The following CCL5 variants were observed in gnomAD, a reference collection of about 807,000 sequenced individuals.
CCL5 encodes the protein C-C motif chemokine 5.
A neutral mutation model predicts 9.0 loss-of-function variants in CCL5; 5 were observed. The ratio of observed to expected loss-of-function variants is 0.55; its 90% CI spans 0.29 to 1.16. The LOEUF (loss-of-function observed/expected upper bound fraction) is 1.16, where lower values mean the gene tolerates loss of function less well. CCL5 is among the 50% of genes most tolerant of loss of function. The pLI is 0.08. For missense variants in CCL5, 183 were observed against 183.2 expected (o/e 1.00, Z 0.01); for synonymous variants, 66 against 72.0 (o/e 0.92, Z 0.42).
intron 2 of CCL5, among the ~76,000 whole-genome samples, chr17:35,876,386 C>A (rs2088441457): frequency 6.6e-6 from 1 of 152,212 alleles, no homozygotes; most frequent in Non-Finnish European, 1.5e-5. Flanking sequence ...GGTTATCTTG[C>A]TGGCACCTTA....
Position 35,876,935 on chromosome 17 carries a change from G to GT in CCL5, c.189-1294dup, listed in dbSNP as rs138597635. 4.0e-3 allele frequency among the ~76,000 whole-genome samples: 596 copies of GT among 150,740 alleles called. 5 individuals carry two copies. Among genetic ancestry groups the GT allele is most frequent in the African/African-American group, 0.013 (544 of 41,074 alleles). On this transcript the variant is annotated intron_variant, in intron 2 of 3. Transcript: ENST00000651122. ...GTTTCCTCTCTCTTTCCCTTGTCAT[G>GT]TTTTTTTTTGCTGTGTACTCTAGTC...
chr17:35,873,642 A>G (rs2088405886), intron 3 of CCL5, among the ~76,000 whole-genome samples: 1 of 152,236 alleles, frequency 6.6e-6, no homozygotes, highest in South Asian at 2.1e-4. Flanking sequence ...ATTTTGTGCA[A>G]ATCACTTAAA....
intron 3 of CCL5, chr17:35,875,430 A>G (rs2088429881): frequency 4.9e-6 from 1 of 205,394 alleles, no homozygotes; most frequent in Admixed American, 6.5e-5. Flanking sequence ...ACTCAGAGCC[A>G]CTTGACCATC....
At position 35,872,409 on chromosome 17, in the gene CCL5, G is replaced by A. The variant is rs779249457; in HGVS notation, c.326C>T (p.Ser109Leu). 24 of 1,613,718 alleles carry A rather than the reference G, an allele frequency of 1.5e-5. No individual in the cohort carries two copies. Among genetic ancestry groups the A allele is most frequent in the Middle Eastern group, 3.3e-4 (2 of 6,080 alleles). ...ATCTCCAAAGAGTTGATGTACTCCC[G>A]AACCCATTTCTTCTCTGGGTTGGCA... The change falls in exon 4 of 4, where the codon TCG (serine) becomes TTG (leucine). Residue 109 changes from serine to leucine, a missense_variant. Physicochemically the swap from Ser to Leu is moderately radical, Grantham distance 145 (BLOSUM62 -2). Coordinates refer to ENST00000651122, the MANE Select transcript of CCL5 (RefSeq NM_001278736.2).
chr17:35,878,233 A>C (rs1210185769), intron 2 of CCL5, among the ~76,000 whole-genome samples: 1 of 136,316 alleles, frequency 7.3e-6, no homozygotes, highest in East Asian at 2.4e-4. Context: ...CAGTGAGCCG[A>C]GATCGTGCCG....
At chr17:35,878,482 C>T (rs769462903) in intron 2 of CCL5, 46 bp downstream of exon 2, 2 of 1,347,276 alleles carry the variant, frequency 1.5e-6, no homozygotes, top group South Asian at 1.2e-5. Flanking sequence ...TCAGAGGACT[C>T]CTCAGGGAAC....
At chr17:35,877,733 T>A (rs1485128240) in intron 2 of CCL5, among the ~76,000 whole-genome samples, 2 of 152,216 alleles carry the variant, frequency 1.3e-5, no homozygotes, top group Non-Finnish European at 2.9e-5. Context: ...CTAGCTTGCA[T>A]ATTTAAAGGT....
chr17:35,873,263 C>T (rs930757116), intron 3 of CCL5, among the ~76,000 whole-genome samples: 1 of 150,708 alleles, frequency 6.6e-6, no homozygotes, highest in African/African-American at 2.5e-5. Context: ...TCTCAGCTCA[C>T]TGCAAGTTCC....
At chr17:35,879,635 CAAAAAA>C (rs35764706) in intron 1 of CCL5, among the ~76,000 whole-genome samples, 1 of 48,670 alleles carries the variant, frequency 2.1e-5, no homozygotes, top group Non-Finnish European at 4.4e-5. Context: ...GACTCCATCT[CAAAAAA>C]AAAAAAAAAA....
rs528021126 is a variant in CCL5 at position 35,878,602 on chromosome 17, A to G, written c.114T>C (p.Ile38=). The G allele has an allele frequency of 1.5e-5, 25 of 1,613,940 alleles. No individual in the cohort carries two copies. Among genetic ancestry groups the G allele is most frequent in the Admixed American group, 5.0e-5 (3 of 59,986 alleles). The stretch of plus-strand genomic sequence containing the variant: ...TGTGGGCACGGGGCAGTGGGCGGGC[A>G]ATGTAGGCAAAGCAGCAGGGTGTGG... Residue 38 remains isoleucine (I), a synonymous_variant, in exon 2 of 4, where the codon ATT becomes ATC. Transcript: ENST00000651122.
chr17:35,873,486 C>T (rs1055978496), intron 3 of CCL5, among the ~76,000 whole-genome samples: 1 of 152,184 alleles, frequency 6.6e-6, no homozygotes, highest in East Asian at 1.9e-4. Flanking sequence ...CGCGCCTGGC[C>T]GAGAAGTTCT....
intron 3 of CCL5, among the ~76,000 whole-genome samples, chr17:35,873,459 T>G (rs1031061713): frequency 1.3e-5 from 2 of 152,178 alleles, no homozygotes; most frequent in Non-Finnish European, 2.9e-5. Context: ...AGTGCTGGGA[T>G]TACAGGCATG....
rs772648119 is a variant in CCL5 at position 35,878,603 on chromosome 17, A to G, written c.113T>C (p.Ile38Thr). ...GTGGGCACGGGGCAGTGGGCGGGCA[A>G]TGTAGGCAAAGCAGCAGGGTGTGGT... Residue 38 changes from isoleucine (I) to threonine (T), a missense_variant, in exon 2 of 4, where the codon ATT becomes ACT. By Grantham distance (89) the Ile-to-Thr change is moderately conservative. Coordinates refer to ENST00000651122, the MANE Select transcript of CCL5 (RefSeq NM_001278736.2). 2.5e-6 allele frequency: 4 copies of G among 1,613,906 alleles called. No individual in the cohort carries two copies. The highest frequency in any genetic ancestry group is 1.7e-6 in the Non-Finnish European group (2 of 1,179,882).
intron 1 of CCL5, among the ~76,000 whole-genome samples, chr17:35,879,689 C>A (rs2088490564): frequency 6.6e-6 from 1 of 151,110 alleles, no homozygotes; most frequent in Non-Finnish European, 1.5e-5. Flanking sequence ...AATGCCTGAT[C>A]CATAGTAACC....
At chr17:35,878,145 A>G (rs1222277417) in intron 2 of CCL5, among the ~76,000 whole-genome samples, 1 of 151,786 alleles carries the variant, frequency 6.6e-6, no homozygotes. Flanking sequence ...TTAGCCAGGC[A>G]TGGTGTGGGC....
In CCL5 at chr17:35,872,408, C is replaced by T. The variant is rs369280877; in HGVS notation, c.327G>A (p.Ser109=). ...CATCTCCAAAGAGTTGATGTACTCC[C>T]GAACCCATTTCTTCTCTGGGTTGGC... Residue 109 remains serine (S), a synonymous_variant, in exon 4 of 4, where the codon TCG becomes TCA. Transcript: ENST00000651122. 1.9e-5 allele frequency: 31 copies of T among 1,613,796 alleles called. No homozygotes were observed. The highest frequency in any genetic ancestry group is 9.9e-5 in the South Asian group (9 of 91,080).
chr17:35,872,607 T>C, intron 3 of CCL5, 143 bp from the exon 3 acceptor site: 1 of 681,972 alleles, frequency 1.5e-6, no homozygotes, highest in Non-Finnish European at 2.6e-6. Flanking sequence ...AAGATTTTAT[T>C]TGTGGCTTTT....
Position 35,872,158 on chromosome 17 carries a change from A to G in CCL5, c.*112T>C, listed in dbSNP as rs3817656. The G allele has an allele frequency of 0.11, 60,961 of 559,684 alleles. 3,596 individuals carry two copies. Among genetic ancestry groups the G allele is most frequent in the East Asian group, 0.21 (4,846 of 23,624 alleles). 34.7% of individuals were successfully genotyped at this position (559,684 alleles called of 1,614,324 possible). A position where few individuals can be genotyped will look rare whatever the true frequency, so the allele number is the denominator to read the frequency against. ...GGCTGGTCTCGAACTCCTGACCTCAAGTGATCCACCCACCTTGGCCTCCCA... is the reference window on the plus strand; with the variant it reads ...GGCTGGTCTCGAACTCCTGACCTCAGGTGATCCACCCACCTTGGCCTCCCA... On this transcript the variant is annotated 3_prime_UTR_variant, in exon 4 of 4. Transcript: ENST00000651122.
chr17:35,880,326 T>C lies in CCL5; in HGVS notation c.-21A>G. The C allele has an allele frequency of 6.2e-7, 1 of 1,600,282 alleles. No individual in the cohort carries two copies. Among genetic ancestry groups the C allele is most frequent in the African/African-American group, 1.3e-5 (1 of 74,816 alleles). ...TTCATGGTACCTGTGGGAGAGGCTG[T>C]GCGAGGTCCACGTGCTGTCTTGATC... On this transcript the variant is annotated 5_prime_UTR_variant, in exon 1 of 4. Transcript: ENST00000651122.
Sources: gnomAD v4.1 joint callset for allele counts (sites outside exome capture counted in the v4.1 genomes callset) on GRCh38, gnomAD v4.1.1 for gene constraint, MANE v1.5 for transcripts, NCBI Gene and HGNC (gene_info 2026-07-23, HGNC 2026-07-21) for gene names.